CARS2: variants seen among roughly 807,000 people sequenced by gnomAD.
CARS2 encodes the protein probable cysteine--tRNA ligase, mitochondrial.
In CARS2, 52 loss-of-function variants were observed where a neutral mutation model predicts 68.8. That is an observed-to-expected ratio of 0.76 (90% CI 0.61 to 0.95). CARS2 has a LOEUF of 0.95. CARS2 is among the 40% of genes least tolerant of loss of function. CARS2 has a pLI of 0.00. For missense variants in CARS2, 780 were observed against 754.2 expected (o/e 1.03, Z -0.40); for synonymous variants, 314 against 303.6 (o/e 1.03, Z -0.36).
intron 14 of CARS2, among the ~76,000 whole-genome samples, 159 bp downstream of exon 14, chr13:110,642,156 G>C (rs190426898): frequency 6.6e-6 from 1 of 152,160 alleles, no homozygotes; most frequent in Non-Finnish European, 1.5e-5. Flanking sequence ...GTGGTGAGCC[G>C]AGATCACGCC....
chr13:110,642,415 GTGGCCTCGGGCA>G lies in CARS2; in HGVS notation c.1511_1522del (p.Met504_Ala507del), dbSNP rs1887478061. On this transcript the variant is annotated inframe_deletion, in exon 14 of 15. Coordinates refer to ENST00000257347, the MANE Select transcript of CARS2 (RefSeq NM_024537.4). ...GAGCTGCTGCCGCCGGGCGTCCCCC[GTGGCCTCGGGCA>G]TGGCCAGCGCAAACTGCCGGACCTT... 1 of 1,593,860 alleles carries G rather than the reference GTGGCCTCGGGCA, an allele frequency of 6.3e-7. No individual in the cohort carries two copies. The highest frequency in any genetic ancestry group is 1.7e-5 in the Admixed American group (1 of 57,800).
chr13:110,711,091 T>C (rs2064023013), upstream of CARS2, among the ~76,000 whole-genome samples: 1 of 152,274 alleles, frequency 6.6e-6, no homozygotes, highest in East Asian at 1.9e-4. Flanking sequence ...CTTACTATTG[T>C]ACTTTTAAAT....
At chr13:110,710,292 G>A (rs1429871769), upstream of CARS2, among the ~76,000 whole-genome samples, 1 of 152,180 alleles carries the variant, frequency 6.6e-6, no homozygotes, top group African/African-American at 2.4e-5. Context: ...TGAGGCAGGA[G>A]AATCGCTTGA....
At position 110,663,475 on chromosome 13, in the gene CARS2, T is replaced by C. The variant is rs558321178; in HGVS notation, c.963A>G (p.Ser321=). The change falls in exon 9 of 15, where the codon TCA becomes TCG. Residue 321 remains serine, a synonymous_variant. Transcript: ENST00000257347. ...CCTTAATAGTAATGTAGTTCTTTAA[T>C]GATTTGGACATTTTTTCTTCTTTGC... ...AKGKEEKMSK[S]LKNYITIKDF... is the part of the protein sequence containing the mutation. 6.2e-7 allele frequency: 1 copy of C among 1,613,968 alleles called. No homozygotes were observed. Among genetic ancestry groups the C allele is most frequent in the Admixed American group, 1.7e-5 (1 of 59,960 alleles).
At position 110,668,539 on chromosome 13, in the gene CARS2, C is replaced by T. The variant is rs1201380402; in HGVS notation, c.786-1066G>A. On this transcript the variant is annotated intron_variant, in intron 7 of 14. Transcript: ENST00000257347. This position sits in a 1 kb window ranked among gnomAD's most constrained non-coding sequence, Gnocchi z 4.1. ...CCTGGGTGACAGAGCGAGACTCCGT[C>T]TCAAAAAAAAAAAAAGATTTTTACA... Among the ~76,000 whole-genome samples, 6 of 62,748 alleles carry T rather than the reference C, an allele frequency of 9.6e-5. No homozygotes were observed. Among genetic ancestry groups the T allele is most frequent in the Non-Finnish European group, 2.6e-4 (6 of 23,238 alleles). The allele number at this position is 62,748 out of a possible 152,430, so 41.2% of individuals were successfully genotyped here.
intron 13 of CARS2, 53 bp downstream of exon 13, chr13:110,644,332 G>T: frequency 6.5e-7 from 1 of 1,529,846 alleles, no homozygotes; most frequent in Non-Finnish European, 9.1e-7. Flanking sequence ...AAAGGTTATT[G>T]TCCCAACATG....
At chr13:110,677,431 C>G (rs2062990956) in intron 6 of CARS2, among the ~76,000 whole-genome samples, 1 of 150,706 alleles carries the variant, frequency 6.6e-6, no homozygotes, top group Non-Finnish European at 1.5e-5. Flanking sequence ...CCAATCACCC[C>G]CACCATGGAA....
chr13:110,641,650 G>C (rs764377579), intron 14 of CARS2, 42 bp from the exon 15 acceptor site: 1 of 1,484,260 alleles, frequency 6.7e-7, no homozygotes, highest in South Asian at 1.1e-5. Flanking sequence ...CAGACACCAC[G>C]TCATGTGGCA....
At chr13:110,648,031 G>C (rs389656) in intron 10 of CARS2, among the ~76,000 whole-genome samples, 39,970 of 152,116 alleles carry the variant, frequency 0.26, 6,051 homozygotes, top group African/African-American at 0.42. Context: ...CACATATGCT[G>C]AAAATTACAT....
At chr13:110,648,902 C>T (rs900885565) in intron 10 of CARS2, 3 of 152,158 alleles carry the variant, frequency 2.0e-5, no homozygotes, top group African/African-American at 2.4e-5. Flanking sequence ...GCGGGGCTTC[C>T]GAGGGCAAAG....
chr13:110,644,321 T>C, intron 13 of CARS2, 64 bp downstream of exon 13: 1 of 1,493,558 alleles, frequency 6.7e-7, no homozygotes, highest in Non-Finnish European at 9.3e-7. Flanking sequence ...GTTAAAAGGG[T>C]AAAGGTTATT....
chr13:110,711,820 C>G (rs2064030729), intron 1 of CARS2, among the ~76,000 whole-genome samples: 1 of 152,224 alleles, frequency 6.6e-6, no homozygotes, highest in South Asian at 2.1e-4. Context: ...CTTTGCCGTA[C>G]TCACATCCAT....
At chr13:110,642,137 G>A (rs1411901870) in intron 14 of CARS2, among the ~76,000 whole-genome samples, 178 bp downstream of exon 14, 1 of 152,182 alleles carries the variant, frequency 6.6e-6, no homozygotes, top group Non-Finnish European at 1.5e-5. Flanking sequence ...GGAGGCAGAG[G>A]CAGAGGTTGT....
At chr13:110,713,271 C>G in exon 1 of CARS2, 1 of 1,311,972 alleles carries the variant, frequency 7.6e-7, no homozygotes, top group Non-Finnish European at 9.7e-7. Context: ...GAGTCAGGGG[C>G]TGAGGAGCGA....
At chr13:110,663,867 C>T in intron 8 of CARS2, 1 of 1,057,216 alleles carries the variant, frequency 9.5e-7, no homozygotes, top group Non-Finnish European at 1.1e-6. Context: ...AATTCAGATA[C>T]TGGTCAGCAT....
chr13:110,683,252 T>C, intron 5 of CARS2, 118 bp from the exon 6 acceptor site: 1 of 582,408 alleles, frequency 1.7e-6, no homozygotes, highest in Non-Finnish European at 2.8e-6. Flanking sequence ...TTTGGCCCCA[T>C]ATACATATAT....
chr13:110,687,151 T>C (rs943995811), intron 5 of CARS2, among the ~76,000 whole-genome samples: 1 of 152,166 alleles, frequency 6.6e-6, no homozygotes, highest in Non-Finnish European at 1.5e-5. Context: ...ACCTACCACC[T>C]AGATTCCACG....
intron 8 of CARS2, chr13:110,666,471 C>T (rs1262822646): frequency 4.1e-6 from 4 of 985,232 alleles, no homozygotes; most frequent in Non-Finnish European, 2.4e-6. Context: ...AGGGGCAGAG[C>T]CGCCTGCTGG....
chr13:110,692,737 C>G (rs2063507837), intron 3 of CARS2, among the ~76,000 whole-genome samples: 1 of 151,924 alleles, frequency 6.6e-6, no homozygotes, highest in African/African-American at 2.4e-5. Context: ...ATCACTTAAG[C>G]CTGGGAGATG....
Sources: allele counts gnomAD v4.1 joint callset (sites outside exome capture counted in the v4.1 genomes callset), GRCh38; gene constraint gnomAD v4.1.1; non-coding constraint Gnocchi (gnomAD v3.1); transcripts MANE v1.5; gene names NCBI Gene and HGNC (gene_info 2026-07-23, HGNC 2026-07-21).